Variants in MAGI3 observed in about 807,000 individuals in gnomAD.
MAGI3 encodes membrane-associated guanylate kinase, WW and PDZ domain-containing protein 3.
A neutral mutation model predicts 121.8 loss-of-function variants in MAGI3; 43 were observed. The ratio of observed to expected loss-of-function variants is 0.35; its 90% confidence interval spans 0.28 to 0.46. MAGI3 has a LOEUF of 0.46. MAGI3 is among the 20% of genes least tolerant of loss of function. The pLI, the probability that MAGI3 is intolerant of heterozygous loss-of-function variation, is 1.00. For synonymous variants in MAGI3, 553 were observed against 639.3 expected (o/e 0.86, Z 2.04); for missense variants, 1,547 against 1,797.3 (o/e 0.86, Z 2.52).
intron 1 of MAGI3, among the ~76,000 whole-genome samples, chr1:113,491,014 C>G (rs1656643095): frequency 6.6e-6 from 1 of 152,128 alleles, no homozygotes; most frequent in South Asian, 2.1e-4. Context: ...GAACTCAGCA[C>G]AGGATCAAAT....
chr1:113,440,500 C>T lies in MAGI3; in HGVS notation c.316+49151C>T, dbSNP rs141512946. 5.3e-5 allele frequency among the ~76,000 whole-genome samples: 8 copies of T among 152,206 alleles called. No homozygotes were observed. The East Asian group carries it at 1.3e-3, about 26-fold the overall frequency. ...TTATTAGAAGAGAAAAAACCCTTTC[C>T]AGATGTTTCCTTTGTATCTCACTGG... is the stretch of plus-strand genomic sequence containing the variant. On this transcript the variant is annotated intron_variant, in intron 1 of 20. Transcript: ENST00000307546.
intron 3 of MAGI3, among the ~76,000 whole-genome samples, chr1:113,584,066 A>T (rs1460964960): frequency 1.3e-5 from 2 of 152,174 alleles, no homozygotes; most frequent in Admixed American, 1.3e-4. Flanking sequence ...TTTTCTATCT[A>T]GGAAAAAACA....
At chr1:113,547,570 A>G (rs113505132) in intron 1 of MAGI3, among the ~76,000 whole-genome samples, 384 of 152,334 alleles carry the variant, frequency 2.5e-3, no homozygotes, top group African/African-American at 8.8e-3. Flanking sequence ...AAACTTTTGT[A>G]TAACATTTAC....
At chr1:113,666,475 A>C (rs1654049067) in intron 16 of MAGI3, among the ~76,000 whole-genome samples, 1 of 152,156 alleles carries the variant, frequency 6.6e-6, no homozygotes, top group Non-Finnish European at 1.5e-5. Context: ...GCAAATCCTC[A>C]CCTGTTCAAG....
In MAGI3 at chr1:113,670,777, C is replaced by A. The variant is rs192016528; in HGVS notation, c.2816-957C>A. On this transcript the variant is annotated intron_variant, in intron 16 of 20. Coordinates refer to ENST00000307546, the MANE Select transcript of MAGI3 (RefSeq NM_001142782.2). ...ACCCAGTGAGATAACTGTATTTCCC[C>A]TTTTATAGGCAAGACAATTCAAAGC... Among the ~76,000 whole-genome samples the A allele has an allele frequency of 1.2e-4, 18 of 152,242 alleles. 1 individual carries two copies. In the East Asian group the frequency reaches 3.5e-3, roughly 29 times the overall value.
chr1:113,423,182 C>G (rs1157872107), intron 1 of MAGI3, among the ~76,000 whole-genome samples: 1 of 149,250 alleles, frequency 6.7e-6, no homozygotes, highest in South Asian at 2.1e-4. Context: ...GAACAACTCT[C>G]AGTGGAGAAG....
intron 19 of MAGI3, among the ~76,000 whole-genome samples, chr1:113,676,957 T>C (rs1647907353): frequency 6.6e-6 from 1 of 152,196 alleles, no homozygotes. Flanking sequence ...TGTGTGTTTT[T>C]ATTTTTAAGA....
chr1:113,463,074 C>T (rs944890863), intron 1 of MAGI3, among the ~76,000 whole-genome samples: 1 of 152,044 alleles, frequency 6.6e-6, no homozygotes, highest in African/African-American at 2.4e-5. Context: ...AATATCAATC[C>T]TTACAAATAG....
intron 1 of MAGI3, among the ~76,000 whole-genome samples, chr1:113,548,129 T>C (rs1659619611): frequency 6.6e-6 from 1 of 152,218 alleles, no homozygotes; most frequent in African/African-American, 2.4e-5. Context: ...TGATCAATAG[T>C]ATTTGGTTTA....
At chr1:113,428,626 A>T (rs1374199510) in intron 1 of MAGI3, among the ~76,000 whole-genome samples, 3 of 152,214 alleles carry the variant, frequency 2.0e-5, no homozygotes, top group Non-Finnish European at 4.4e-5. Flanking sequence ...ATTTAATAAC[A>T]TGTTTTATTG....
At chr1:113,447,507 G>A (rs1262864358) in intron 1 of MAGI3, among the ~76,000 whole-genome samples, 1 of 152,096 alleles carries the variant, frequency 6.6e-6, no homozygotes, top group Non-Finnish European at 1.5e-5. Flanking sequence ...CGTAACTTTG[G>A]GAGGGGATAA....
chr1:113,558,516 A>G (rs554307049), intron 2 of MAGI3, among the ~76,000 whole-genome samples: 46 of 152,292 alleles, frequency 3.0e-4, no homozygotes, highest in African/African-American at 8.4e-4. Flanking sequence ...AAGAAAAAAG[A>G]ATGAAAATGA....
chr1:113,613,762 C>A lies in MAGI3; in HGVS notation c.1019-839C>A, dbSNP rs368392460. Among the ~76,000 whole-genome samples the A allele has an allele frequency of 3.3e-5, 5 of 152,286 alleles. No homozygotes were observed. The East Asian group carries it at 5.8e-4, about 18-fold the overall frequency. Reference sequence around the variant, plus strand: ...ACTAGAACCACCTGCTAGGAACATTCTTCCCAACTTATCCATGTTTTACTA... The same window carrying A: ...ACTAGAACCACCTGCTAGGAACATTATTCCCAACTTATCCATGTTTTACTA... On this transcript the variant is annotated intron_variant, in intron 6 of 20. Transcript: ENST00000307546.
At chr1:113,636,178 G>A (rs1652007543) in intron 9 of MAGI3, among the ~76,000 whole-genome samples, 1 of 152,036 alleles carries the variant, frequency 6.6e-6, no homozygotes, top group Non-Finnish European at 1.5e-5. Context: ...CAAAAAACCA[G>A]CTCCTGGATT....
chr1:113,581,358 G>T (rs1037649441), intron 3 of MAGI3, among the ~76,000 whole-genome samples: 1 of 152,076 alleles, frequency 6.6e-6, no homozygotes, highest in Non-Finnish European at 1.5e-5. Flanking sequence ...AGTGCCTAAA[G>T]ATAGTGTTCA....
intron 9 of MAGI3, among the ~76,000 whole-genome samples, chr1:113,630,136 T>G (rs995304366): frequency 6.6e-6 from 1 of 152,212 alleles, no homozygotes; most frequent in South Asian, 2.1e-4. Context: ...TTCTATTCTA[T>G]TCTGGCTAAG....
intron 1 of MAGI3, among the ~76,000 whole-genome samples, chr1:113,429,964 C>T (rs1570664048): frequency 6.6e-6 from 1 of 152,092 alleles, no homozygotes. Flanking sequence ...GGTTCTGAAA[C>T]AGTGGCCTTA....
At position 113,683,703 on chromosome 1, in the gene MAGI3, G is replaced by A; in HGVS notation, c.4135G>A (p.Val1379Ile). 1 of 1,599,612 alleles carries A rather than the reference G, an allele frequency of 6.3e-7. No homozygotes were observed. ...GACTAATAAGACTACAAGTAAAGAAGTATCTGAAAATGAAAAAGGAAAGAA... is the reference window on the plus strand; with the variant it reads ...GACTAATAAGACTACAAGTAAAGAAATATCTGAAAATGAAAAAGGAAAGAA... ...KMTNKTTSKE[V>I]SENEKGKKVT... The change falls in exon 21 of 21, where the codon GTA becomes ATA. Residue 1379 changes from valine (V) to isoleucine (I), a missense_variant. Val to Ile is a conservative substitution (Grantham distance 29). Transcript: ENST00000307546.
At chr1:113,469,407 G>A (rs1400351857) in intron 1 of MAGI3, among the ~76,000 whole-genome samples, 2 of 152,114 alleles carry the variant, frequency 1.3e-5, no homozygotes, top group Admixed American at 6.6e-5. Flanking sequence ...GGACTTGGGG[G>A]ACTTTTTGAT....
Sources: gnomAD v4.1 joint callset for allele counts (sites outside exome capture counted in the v4.1 genomes callset) on GRCh38, gnomAD v4.1.1 for gene constraint, MANE v1.5 for transcripts, NCBI Gene and HGNC (gene_info 2026-07-23, HGNC 2026-07-21) for gene names.